NME7: variants seen among roughly 807,000 people sequenced by gnomAD.
The protein encoded by NME7 is nucleoside diphosphate kinase 7.
A neutral mutation model predicts 49.1 loss-of-function variants in NME7; 41 were observed. The ratio of observed to expected loss-of-function variants is 0.83; its 90% CI spans 0.65 to 1.08. The LOEUF is 1.08. NME7 is among the 50% of genes least tolerant of loss of function. The pLI, the probability that NME7 is intolerant of heterozygous loss-of-function variation, is 0.00. For missense variants in NME7, 423 were observed against 463.4 expected (o/e 0.91, Z 0.80); for synonymous variants, 139 against 150.6 (o/e 0.92, Z 0.56).
At chr1:169,219,567 T>TATC (rs147234347) in intron 10 of NME7, among the ~76,000 whole-genome samples, 3 of 152,040 alleles carry the variant, frequency 2.0e-5, no homozygotes, top group Non-Finnish European at 4.4e-5. Flanking sequence ...TATCATATCT[T>TATC]ATAATTATTA....
rs898995349 is a variant in NME7, at chr1:169,269,327, T to C, written c.754+17976A>G. ...TGCAATTGATAAAATTCCATCCAAC[T>C]GTTTACTTTTTCAGATAGAACAGAA... On this transcript the variant is annotated intron_variant, in intron 7 of 11. Coordinates refer to ENST00000367811, the MANE Select transcript of NME7 (RefSeq NM_013330.5). 6.7e-5 allele frequency among the ~76,000 whole-genome samples: 9 copies of C among 134,116 alleles called. 3 individuals are homozygous for C. Among genetic ancestry groups the C allele is most frequent in the Admixed American group, 3.7e-4 (5 of 13,548 alleles). 88.0% of individuals were successfully genotyped at this position (134,116 alleles called of 152,430 possible). A position where few individuals can be genotyped will look rare whatever the true frequency, so the allele number is the denominator to read the frequency against.
At chr1:169,291,646 T>TAAA (rs1650507749) in intron 6 of NME7, among the ~76,000 whole-genome samples, 1 of 149,400 alleles carries the variant, frequency 6.7e-6, no homozygotes, top group African/African-American at 2.5e-5. Flanking sequence ...GAACTTAAAG[T>TAAA]ATAATAATAA....
chr1:169,333,342 G>A (rs1198695520), intron 1 of NME7, among the ~76,000 whole-genome samples: 2 of 151,880 alleles, frequency 1.3e-5, no homozygotes, highest in African/African-American at 2.4e-5. Flanking sequence ...GGAAGGTGGG[G>A]GTGAATAACA....
chr1:169,350,282 G>GAAGGAAGGAAGGAAGT (rs1158036242), intron 1 of NME7, among the ~76,000 whole-genome samples: 5 of 151,452 alleles, frequency 3.3e-5, no homozygotes, highest in Admixed American at 6.6e-5. Context: ...AGGAAGGAAG[G>GAAGGAAGGAAGGAAGT]AAGGAAAGAG....
chr1:169,343,960 G>A (rs1652867476), intron 1 of NME7, among the ~76,000 whole-genome samples: 1 of 152,082 alleles, frequency 6.6e-6, no homozygotes, highest in African/African-American at 2.4e-5. Context: ...ATGCCCACTG[G>A]GATTTTGATA....
intron 11 of NME7, among the ~76,000 whole-genome samples, chr1:169,147,715 T>C (rs1049634026): frequency 1.3e-5 from 2 of 152,234 alleles, no homozygotes; most frequent in African/African-American, 2.4e-5. Flanking sequence ...AATTCGTAAC[T>C]ATATCAAGTA....
chr1:169,211,410 A>G (rs1274912852), intron 10 of NME7, among the ~76,000 whole-genome samples: 1 of 152,170 alleles, frequency 6.6e-6, no homozygotes, highest in Non-Finnish European at 1.5e-5. Flanking sequence ...CTTTCTATCC[A>G]TAATACAAGT....
intron 1 of NME7, among the ~76,000 whole-genome samples, chr1:169,325,634 A>G (rs75702190): frequency 0.015 from 2,213 of 152,268 alleles, 59 homozygotes; most frequent in African/African-American, 0.05. Context: ...TTTATTGCTA[A>G]TTCTGGATTT....
intron 10 of NME7, among the ~76,000 whole-genome samples, chr1:169,213,469 C>T (rs1434321131): frequency 6.6e-6 from 1 of 152,062 alleles, no homozygotes; most frequent in African/African-American, 2.4e-5. Flanking sequence ...ATTTTGCCAA[C>T]CTCACTGGTT....
intron 10 of NME7, among the ~76,000 whole-genome samples, chr1:169,199,104 A>T (rs1660472334): frequency 6.6e-6 from 1 of 152,094 alleles, no homozygotes; most frequent in Non-Finnish European, 1.5e-5. Flanking sequence ...TCTATTTTTC[A>T]TTTATCACAA....
At chr1:169,324,905 G>GAGAGC (rs1479308684) in intron 1 of NME7, among the ~76,000 whole-genome samples, 2 of 151,620 alleles carry the variant, frequency 1.3e-5, no homozygotes, top group African/African-American at 4.9e-5. Context: ...ATTATATGAA[G>GAGAGC]TTTTGACTTC....
intron 3 of NME7, among the ~76,000 whole-genome samples, chr1:169,319,350 T>C (rs994205675): frequency 6.6e-6 from 1 of 152,176 alleles, no homozygotes; most frequent in Non-Finnish European, 1.5e-5. Flanking sequence ...ACTACATAAG[T>C]CTAGAAAACA....
At chr1:169,287,205 T>C in intron 7 of NME7, 98 bp downstream of exon 7, 1 of 1,040,684 alleles carries the variant, frequency 9.6e-7, no homozygotes, top group Non-Finnish European at 1.5e-6. Context: ...ATGGAAATAC[T>C]AAAAGTATAC....
At chr1:169,189,271 G>A (rs1419461727) in intron 10 of NME7, among the ~76,000 whole-genome samples, 1 of 152,240 alleles carries the variant, frequency 6.6e-6, no homozygotes, top group East Asian at 1.9e-4. Flanking sequence ...CTATTATAGT[G>A]TTAGGTAACT....
intron 7 of NME7, among the ~76,000 whole-genome samples, chr1:169,251,169 T>C (rs1003327268): frequency 1.3e-5 from 2 of 152,144 alleles, no homozygotes; most frequent in African/African-American, 2.4e-5. Context: ...GTTAAGTGTA[T>C]ATAAATTTAG....
chr1:169,175,388 TA>T (rs1348394136), intron 10 of NME7, among the ~76,000 whole-genome samples: 1 of 152,156 alleles, frequency 6.6e-6, no homozygotes, highest in Non-Finnish European at 1.5e-5. Flanking sequence ...AAGTATACTC[TA>T]AAACAACGAT....
In NME7 at chr1:169,263,400, T is replaced by C. The variant is rs921889759; in HGVS notation, c.754+23903A>G. On this transcript the variant is annotated intron_variant, in intron 7 of 11. Coordinates refer to ENST00000367811, the MANE Select transcript of NME7 (RefSeq NM_013330.5). ...GAGATGAAAGTCAAAATAGCTCATATAGAAAATAATACAACCAATCTGATA... is the reference window on the plus strand; with the variant it reads ...GAGATGAAAGTCAAAATAGCTCATACAGAAAATAATACAACCAATCTGATA... 6.7e-5 allele frequency among the ~76,000 whole-genome samples: 9 copies of C among 133,542 alleles called. 3 individuals are homozygous for C. Among genetic ancestry groups the C allele is most frequent in the South Asian group, 4.6e-4 (2 of 4,342 alleles). The allele number at this position is 133,542 out of a possible 152,430, so 87.6% of individuals were successfully genotyped here.
At chr1:169,142,900 T>A (rs1289490381) in intron 11 of NME7, among the ~76,000 whole-genome samples, 1 of 152,204 alleles carries the variant, frequency 6.6e-6, no homozygotes, top group African/African-American at 2.4e-5. Context: ...AGAGGATCAA[T>A]TATTCAGCTC....
chr1:169,178,135 A>G (rs1830495), intron 10 of NME7, among the ~76,000 whole-genome samples: 56,268 of 152,004 alleles, frequency 0.37, 11,034 homozygotes, highest in East Asian at 0.73. Flanking sequence ...CACCGTGCCC[A>G]GCCTCTCCTC....
Sources: gnomAD v4.1 joint callset for allele counts (sites outside exome capture counted in the v4.1 genomes callset) on GRCh38, gnomAD v4.1.1 for gene constraint, MANE v1.5 for transcripts, NCBI Gene and HGNC (gene_info 2026-07-23, HGNC 2026-07-21) for gene names.